Variants in NFIB observed in about 807,000 individuals in gnomAD.
NFIB encodes nuclear factor 1 B-type.
Under a neutral mutation model 61.5 loss-of-function variants are expected in NFIB, and 11 were observed. That is an observed-to-expected ratio of 0.18 (90% confidence interval 0.11 to 0.30). NFIB has a LOEUF of 0.30. Ranked by LOEUF, NFIB falls within the 10% of genes least tolerant of loss-of-function variation. NFIB has a pLI of 1.00. For missense variants in NFIB, 471 were observed against 608.9 expected, an observed-to-expected ratio of 0.77 and a Z score of 2.38; for synonymous variants, 260 against 216.5, an observed-to-expected ratio of 1.20 and a Z score of -1.76.
At chr9:14,301,111 AG>A (rs1289440703) in intron 2 of NFIB, among the ~76,000 whole-genome samples, 1 of 152,204 alleles carries the variant, frequency 6.6e-6, no homozygotes, top group Non-Finnish European at 1.5e-5. Context: ...CTTAGAAAAC[AG>A]TAACTTTAAA....
the NFIB span, among the ~76,000 whole-genome samples, chr9:14,416,004 A>G: frequency 6.6e-6 from 1 of 152,228 alleles, no homozygotes; most frequent in African/African-American, 2.4e-5. Flanking sequence ...ACTAGTCTCT[A>G]TTCCTTCTAA....
intron 2 of NFIB, among the ~76,000 whole-genome samples, chr9:14,181,751 G>C (rs1300167972): frequency 6.6e-6 from 1 of 152,234 alleles, no homozygotes; most frequent in Admixed American, 6.5e-5. Flanking sequence ...CCACTGACCA[G>C]AGCCTCCCTA....
chr9:14,235,274 T>C (rs371997260), intron 2 of NFIB, among the ~76,000 whole-genome samples: 4 of 152,198 alleles, frequency 2.6e-5, no homozygotes, highest in Admixed American at 6.5e-5. Context: ...ATTTAAAACT[T>C]GGGAGGCAAA....
the NFIB span, among the ~76,000 whole-genome samples, chr9:14,461,038 G>A: frequency 2.0e-5 from 3 of 151,848 alleles, no homozygotes; most frequent in Admixed American, 2.0e-4. Flanking sequence ...GCACCCTCTT[G>A]TTCCTCAGTA....
At chr9:14,524,743 C>A in the NFIB span, among the ~76,000 whole-genome samples, 1 of 152,176 alleles carries the variant, frequency 6.6e-6, no homozygotes, top group African/African-American at 2.4e-5. Flanking sequence ...CATCATACAA[C>A]GTTTTAGCAG....
intron 3 of NFIB, among the ~76,000 whole-genome samples, chr9:14,174,618 T>C (rs1450152751): frequency 1.3e-5 from 2 of 151,622 alleles, no homozygotes; most frequent in African/African-American, 4.8e-5. Flanking sequence ...ATAGAAAAAA[T>C]TAGCCAGGCA....
chr9:14,299,567 G>A (rs1459200908), intron 2 of NFIB, among the ~76,000 whole-genome samples: 1 of 151,972 alleles, frequency 6.6e-6, no homozygotes. Flanking sequence ...TTTTCAACTG[G>A]TTTATGCTTC....
At chr9:14,372,084 C>A (rs934555752) in intron 1 of NFIB, among the ~76,000 whole-genome samples, 1 of 151,384 alleles carries the variant, frequency 6.6e-6, no homozygotes, top group Non-Finnish European at 1.5e-5. Context: ...AGGTGCGCAC[C>A]ATCTGAATGT....
At chr9:14,479,246 C>A in the NFIB span, among the ~76,000 whole-genome samples, 3 of 152,148 alleles carry the variant, frequency 2.0e-5, no homozygotes, top group Admixed American at 6.5e-5. Context: ...TGGGGGATTG[C>A]AGGGGGCTCT....
the NFIB span, among the ~76,000 whole-genome samples, chr9:14,462,658 G>A: frequency 6.6e-6 from 1 of 152,008 alleles, no homozygotes; most frequent in Admixed American, 6.6e-5. Flanking sequence ...CAGGACTATC[G>A]AATTCTTATC....
chr9:14,226,765 A>C (rs2052478700), intron 2 of NFIB, among the ~76,000 whole-genome samples: 1 of 152,218 alleles, frequency 6.6e-6, no homozygotes, highest in East Asian at 1.9e-4. Context: ...ACTAATAATT[A>C]AAATCACCTT....
At chr9:14,365,862 A>G (rs1213884962) in intron 1 of NFIB, among the ~76,000 whole-genome samples, 1 of 152,186 alleles carries the variant, frequency 6.6e-6, no homozygotes, top group African/African-American at 2.4e-5. Flanking sequence ...ATGGAGTAAG[A>G]GCAAAACCTC....
chr9:14,287,321 C>T (rs2058774900), intron 2 of NFIB, among the ~76,000 whole-genome samples: 1 of 143,794 alleles, frequency 7.0e-6, no homozygotes, highest in Non-Finnish European at 1.5e-5. Context: ...GTCCCAGCTA[C>T]TAGGGAGGCT....
At chr9:14,375,033 A>G (rs1425966985) in intron 1 of NFIB, among the ~76,000 whole-genome samples, 4 of 152,232 alleles carry the variant, frequency 2.6e-5, no homozygotes, top group Non-Finnish European at 4.4e-5. Flanking sequence ...ATTACATGCT[A>G]TGCTTCCTCC....
intron 5 of NFIB, among the ~76,000 whole-genome samples, chr9:14,148,929 C>T (rs1286208681): frequency 1.3e-5 from 2 of 152,156 alleles, no homozygotes; most frequent in African/African-American, 4.8e-5. Context: ...GCCTGAAAAA[C>T]TTAAAATTGG....
In NFIB at chr9:14,146,763, C is replaced by T. The variant is rs755013997; in HGVS notation, c.851G>A (p.Ser284Asn). Residue 284 changes from serine (S) to asparagine (N), a missense_variant, in exon 6 of 11, where the codon AGT becomes AAT. By Grantham distance (46) the Ser-to-Asn change is conservative. Transcript: ENST00000380953. ...AGAGGGGTAAAAGTCTCCTGTAGGA[C>T]TTGGTTCCATATTTTCATCTATGGA... is the stretch of plus-strand genomic sequence containing the variant. ...TISIDENMEP[S>N]PTGDFYPSPS... 3 of 1,606,030 alleles carry T rather than the reference C, an allele frequency of 1.9e-6. No homozygotes were observed. The African/African-American group carries it at 4.0e-5, about 22-fold the overall frequency.
chr9:14,322,913 G>C (rs936137185), intron 1 of NFIB, among the ~76,000 whole-genome samples: 3 of 151,950 alleles, frequency 2.0e-5, no homozygotes, highest in Non-Finnish European at 2.9e-5. Flanking sequence ...TCCCGACCGT[G>C]TGTCTGCGGC....
chr9:14,504,919 G>C, the NFIB span, among the ~76,000 whole-genome samples: 3 of 152,098 alleles, frequency 2.0e-5, no homozygotes, highest in African/African-American at 7.2e-5. Context: ...CAGTTCTCAG[G>C]GGAAATGCTT....
chr9:14,131,335 C>A (rs1232172641), intron 6 of NFIB, among the ~76,000 whole-genome samples: 4 of 152,166 alleles, frequency 2.6e-5, no homozygotes, highest in Non-Finnish European at 4.4e-5. Context: ...CAAATTATCA[C>A]ACGATTTTTC....
Sources: allele counts gnomAD v4.1 joint callset (sites outside exome capture counted in the v4.1 genomes callset), GRCh38; gene constraint gnomAD v4.1.1; transcripts MANE v1.5; gene names NCBI Gene and HGNC (gene_info 2026-07-23, HGNC 2026-07-21).